ADAM7: variants seen among roughly 807,000 people sequenced by gnomAD.
ADAM7 encodes ADAM metallopeptidase domain 7, also known as disintegrin and metalloproteinase domain-containing protein 7.
In ADAM7, 97 loss-of-function variants were observed where a neutral mutation model predicts 102.9. The ratio of observed to expected loss-of-function variants is 0.94; its 90% CI spans 0.80 to 1.12. The LOEUF (loss-of-function observed/expected upper bound fraction) is 1.12, where lower values mean the gene tolerates loss of function less well. ADAM7 is among the 50% of genes most tolerant of loss of function. The pLI is 0.00. For synonymous variants in ADAM7, 334 were observed against 304.4 expected (o/e 1.10, Z -1.01); for missense variants, 991 against 908.7 (o/e 1.09, Z -1.16).
chr8:24,489,471 G>T, intron 12 of ADAM7, 138 bp downstream of exon 12: 2 of 807,516 alleles, frequency 2.5e-6, no homozygotes, highest in Admixed American at 3.4e-5. Flanking sequence ...TTTTTATTTT[G>T]ATTTTATAAA....
intron 3 of ADAM7, among the ~76,000 whole-genome samples, chr8:24,454,230 T>A (rs7010510): frequency 0.021 from 3,125 of 152,310 alleles, 121 homozygotes; most frequent in African/African-American, 0.072. Flanking sequence ...GCTGTCTTTT[T>A]GTTTGTCTGT....
In ADAM7 at chr8:24,482,292, G is replaced by A; in HGVS notation, c.856G>A (p.Asp286Asn). Residue 286 changes from aspartate to asparagine, a missense_variant, in exon 9 of 22, where the codon GAT becomes AAT. Physicochemically the swap from Asp to Asn is conservative, Grantham distance 23. Coordinates refer to ENST00000175238, the MANE Select transcript of ADAM7 (RefSeq NM_003817.4). ...GATCCTTAAAACACGGAAGGATTTT[G>A]ATCATGTTGTATTACTCAGGTTGGT... ...EKILKTRKDF[D>N]HVVLLSGKWL... 1 of 1,610,906 alleles carries A rather than the reference G, an allele frequency of 6.2e-7. No homozygotes were observed. Among genetic ancestry groups the A allele is most frequent in the Non-Finnish European group, 8.5e-7 (1 of 1,178,942 alleles).
intron 21 of ADAM7, 120 bp from the exon 22 acceptor site, chr8:24,508,426 T>C (rs1193553788): frequency 2.0e-6 from 2 of 980,988 alleles, no homozygotes; most frequent in East Asian, 5.1e-5. Context: ...CATGAATAAA[T>C]GTAGGACTAC....
In ADAM7 at chr8:24,493,102, A is replaced by T; in HGVS notation, c.1715A>T (p.Glu572Val). ...TGGELSSLLG[E>V]DKTYHLKDPQ... ...GGGGAGCTTTCCTCTCTCCTTGGAG[A>T]AGACAAGACTTATCACCTTAAGGAT... The change falls in exon 16 of 22, where the codon GAA becomes GTA. Residue 572 changes from glutamate to valine, a missense_variant. By Grantham distance (121) the Glu-to-Val change is moderately radical (BLOSUM62 -2). Transcript: ENST00000175238. 6.2e-7 allele frequency: 1 copy of T among 1,612,028 alleles called. No homozygotes were observed. Among genetic ancestry groups the T allele is most frequent in the Non-Finnish European group, 8.5e-7 (1 of 1,179,150 alleles).
At chr8:24,457,004 G>A (rs1387447122) in intron 3 of ADAM7, among the ~76,000 whole-genome samples, 3 of 152,060 alleles carry the variant, frequency 2.0e-5, no homozygotes. Flanking sequence ...ATATGTATAT[G>A]TTTAGATTTA....
intron 8 of ADAM7, 109 bp from the exon 9 acceptor site, chr8:24,482,033 C>A: frequency 1.3e-6 from 1 of 793,078 alleles, no homozygotes; most frequent in Non-Finnish European, 1.9e-6. Context: ...ACTAATGTAC[C>A]TCACAAGTTC....
In ADAM7 at chr8:24,463,894, C is replaced by T; in HGVS notation, c.246C>T (p.Gly82=). 6.2e-7 allele frequency: 1 copy of T among 1,613,556 alleles called. No homozygotes were observed. The highest frequency in any genetic ancestry group is 8.5e-7 in the Non-Finnish European group (1 of 1,179,638). ...CCCTCTTTTTCAGGGAGTTCCTAGGCTCAAATTACAGTGAAACATTCTACT... is the reference window on the plus strand; with the variant it reads ...CCCTCTTTTTCAGGGAGTTCCTAGGTTCAAATTACAGTGAAACATTCTACT... ...LHLLRSREFL[G]SNYSETFYSM... is the part of the protein sequence containing the mutation. The change falls in exon 4 of 22, where the codon GGC becomes GGT. Residue 82 remains glycine (G), a synonymous_variant. Transcript: ENST00000175238.
At chr8:24,476,741 C>T (rs1441405531) in intron 8 of ADAM7, among the ~76,000 whole-genome samples, 2 of 152,078 alleles carry the variant, frequency 1.3e-5, no homozygotes, top group African/African-American at 4.8e-5. Flanking sequence ...GGTCTCTAAT[C>T]ACAAAATTTA....
intron 13 of ADAM7, 159 bp from the exon 14 acceptor site, chr8:24,491,744 A>C (rs1820364315): frequency 3.5e-6 from 2 of 565,740 alleles, no homozygotes; most frequent in African/African-American, 3.8e-5. Context: ...GAGTGCCAAC[A>C]CATTGACAAA....
chr8:24,489,511 GCTT>G (rs1393224014), intron 12 of ADAM7, among the ~76,000 whole-genome samples, 178 bp downstream of exon 12: 1 of 151,968 alleles, frequency 6.6e-6, no homozygotes, highest in Non-Finnish European at 1.5e-5. Flanking sequence ...TCATTCCAGG[GCTT>G]CTTATCAAGT....
intron 9 of ADAM7, 90 bp from the exon 10 acceptor site, chr8:24,485,187 T>C (rs771540419): frequency 3.5e-4 from 407 of 1,147,642 alleles, no homozygotes; most frequent in Non-Finnish European, 4.5e-4. Flanking sequence ...TGCAAAAGCA[T>C]TGGCATTGCT....
chr8:24,462,434 C>T (rs995820403), intron 3 of ADAM7, among the ~76,000 whole-genome samples: 12 of 152,316 alleles, frequency 7.9e-5, no homozygotes, highest in African/African-American at 2.9e-4. Flanking sequence ...TATCCGTCCT[C>T]TATAAGGCAG....
At chr8:24,468,303 C>T (rs530280138) in intron 6 of ADAM7, among the ~76,000 whole-genome samples, 9 of 150,246 alleles carry the variant, frequency 6.0e-5, no homozygotes, top group African/African-American at 2.0e-4. Context: ...AAAAAAAAAA[C>T]CTGAATGTTA....
At position 24,509,530 on chromosome 8, in the gene ADAM7, G is replaced by C. The variant is rs536603621; in HGVS notation, c.*984G>C. The C allele has an allele frequency of 2.0e-6, 2 of 984,128 alleles. No homozygotes were observed. The highest frequency in any genetic ancestry group is 3.5e-5 in the African/African-American group (2 of 57,156). 61.0% of individuals were successfully genotyped at this position (984,128 alleles called of 1,614,324 possible). ...GTTCTAAATAAAAATATTCTGACTC[G>C]ATGAAATAAATAAAGGCTACAAAAG... On this transcript the variant is annotated 3_prime_UTR_variant, in exon 22 of 22. Transcript: ENST00000175238.
intron 5 of ADAM7, among the ~76,000 whole-genome samples, chr8:24,466,245 G>A (rs746880263): frequency 2.6e-4 from 40 of 152,134 alleles, no homozygotes; most frequent in Non-Finnish European, 2.6e-4. Flanking sequence ...TAAAAATTCA[G>A]AAGTAAAGCC....
At chr8:24,471,465 G>GTTTT (rs35486240) in intron 7 of ADAM7, among the ~76,000 whole-genome samples, 1 of 146,544 alleles carries the variant, frequency 6.8e-6, no homozygotes, top group Admixed American at 6.8e-5. Context: ...AGTGTACCAG[G>GTTTT]TTTTTTTTTT....
intron 2 of ADAM7, 142 bp downstream of exon 2, chr8:24,442,718 G>C: frequency 1.5e-6 from 1 of 670,806 alleles, no homozygotes; most frequent in Non-Finnish European, 2.6e-6. Flanking sequence ...CCATGTGCTT[G>C]GGAATAAGCA....
intron 3 of ADAM7, among the ~76,000 whole-genome samples, chr8:24,448,906 G>A (rs919947619): frequency 1.3e-5 from 2 of 151,996 alleles, no homozygotes; most frequent in African/African-American, 4.8e-5. Context: ...TGCGGTGTTT[G>A]CATTTTTGTT....
intron 2 of ADAM7, among the ~76,000 whole-genome samples, chr8:24,445,528 T>C (rs1818523918): frequency 6.6e-6 from 1 of 152,194 alleles, no homozygotes; most frequent in Non-Finnish European, 1.5e-5. Flanking sequence ...GGCTTGTAGA[T>C]TCTAGCATGT....
Sources: gnomAD v4.1 joint callset for allele counts (sites outside exome capture counted in the v4.1 genomes callset) on GRCh38, gnomAD v4.1.1 for gene constraint, MANE v1.5 for transcripts, NCBI Gene and HGNC (gene_info 2026-07-23, HGNC 2026-07-21) for gene names.